The following TCF12 variants were observed in gnomAD, a reference collection of about 807,000 sequenced individuals.
TCF12 encodes the protein transcription factor 12, also known as DNA-binding protein HTF4.
In TCF12, 45 loss-of-function variants were observed where a neutral mutation model predicts 86.0. The ratio of observed to expected loss-of-function variants is 0.52; its 90% CI spans 0.41 to 0.67. The LOEUF (loss-of-function observed/expected upper bound fraction) is 0.67, where lower values mean the gene tolerates loss of function less well. Ranked by LOEUF, TCF12 falls within the 30% of genes least tolerant of loss-of-function variation. TCF12 has a pLI of 0.00. For synonymous variants in TCF12, 330 were observed against 299.6 expected (o/e 1.10, Z -1.05); for missense variants, 881 against 859.9 (o/e 1.02, Z -0.31).
intron 5 of TCF12, among the ~76,000 whole-genome samples, chr15:57,163,690 G>A (rs1378674116): frequency 6.6e-6 from 1 of 152,164 alleles, no homozygotes; most frequent in African/African-American, 2.4e-5. Flanking sequence ...ACGACAGAGC[G>A]AGACCTTGTC....
chr15:57,042,528 C>T lies in TCF12; in HGVS notation c.149-21222C>T, dbSNP rs143322109. ...TCCGGGGCTGAATTGATCATCCTGC[C>T]TCTGCCTCCCGAGGAGCCAGTACTA... On this transcript the variant is annotated intron_variant, in intron 3 of 20. Coordinates refer to ENST00000333725, the MANE Select transcript of TCF12 (RefSeq NM_207037.2). Among the ~76,000 whole-genome samples the T allele has an allele frequency of 7.0e-4, 106 of 152,262 alleles. 1 individual carries two copies. The East Asian group carries it at 8.1e-3, about 12-fold the overall frequency.
intron 8 of TCF12, among the ~76,000 whole-genome samples, chr15:57,225,660 T>C (rs1269022834): frequency 6.6e-6 from 1 of 152,120 alleles, no homozygotes; most frequent in Non-Finnish European, 1.5e-5. Flanking sequence ...TTTTAGGAAA[T>C]GTCTTTAATT....
intron 3 of TCF12, among the ~76,000 whole-genome samples, chr15:56,937,439 C>T (rs2060518311): frequency 6.6e-6 from 1 of 151,804 alleles, no homozygotes; most frequent in African/African-American, 2.4e-5. Flanking sequence ...TCACTGCAAC[C>T]TTCTAGGAGC....
At chr15:57,073,034 T>G (rs1012456444) in intron 4 of TCF12, among the ~76,000 whole-genome samples, 1 of 152,170 alleles carries the variant, frequency 6.6e-6, no homozygotes. Context: ...TGCCCATGTT[T>G]CCATTTTAAG....
chr15:57,162,991 T>C (rs1467602694), intron 5 of TCF12, among the ~76,000 whole-genome samples: 1 of 151,932 alleles, frequency 6.6e-6, no homozygotes, highest in Admixed American at 6.6e-5. Flanking sequence ...CTGGCCAACA[T>C]AGTGAAACCC....
intron 3 of TCF12, among the ~76,000 whole-genome samples, chr15:57,022,882 G>A (rs1453365769): frequency 6.6e-6 from 1 of 152,146 alleles, no homozygotes; most frequent in Non-Finnish European, 1.5e-5. Flanking sequence ...GTGACTAGTA[G>A]AAGGAAATAG....
intron 1 of TCF12, chr15:56,919,675 C>T: frequency 2.6e-6 from 1 of 388,832 alleles, no homozygotes; most frequent in African/African-American, 2.1e-5. Context: ...CCGCGTCGAT[C>T]TCGGGCCGCG....
intron 19 of TCF12, among the ~76,000 whole-genome samples, chr15:57,279,998 A>G (rs1875616745): frequency 6.9e-6 from 1 of 145,602 alleles, no homozygotes; most frequent in Admixed American, 7.1e-5. Flanking sequence ...AGTTCAAGTG[A>G]TTCTCCTGTC....
intron 18 of TCF12, 106 bp from the exon 19 acceptor site, chr15:57,272,924 T>A (rs959051676): frequency 9.5e-7 from 1 of 1,055,160 alleles, no homozygotes; most frequent in African/African-American, 1.6e-5. Context: ...TTTACAAGAT[T>A]TATAGGTGGT....
chr15:57,214,623 G>A (rs1190891796), intron 8 of TCF12, among the ~76,000 whole-genome samples: 6 of 152,126 alleles, frequency 3.9e-5, no homozygotes, highest in Admixed American at 6.6e-5. Context: ...TGAGACAGAC[G>A]CTATTTTATG....
intron 3 of TCF12, among the ~76,000 whole-genome samples, chr15:56,977,650 A>C (rs2062680719): frequency 6.6e-6 from 1 of 152,026 alleles, no homozygotes; most frequent in South Asian, 2.1e-4. Flanking sequence ...TGGCTGTTGA[A>C]ATTGTTTTGA....
At chr15:57,252,539 T>C (rs1055611320) in intron 15 of TCF12, 47 bp downstream of exon 15, 7 of 1,452,928 alleles carry the variant, frequency 4.8e-6, no homozygotes, top group Admixed American at 1.7e-5. Context: ...CAATTAATTA[T>C]ACTTCCCACT....
intron 3 of TCF12, among the ~76,000 whole-genome samples, chr15:56,929,247 A>G (rs1463818711): frequency 1.3e-5 from 2 of 152,004 alleles, no homozygotes; most frequent in Non-Finnish European, 2.9e-5. Flanking sequence ...CTTTAGCTGT[A>G]TTTTTTCATG....
At chr15:57,192,493 G>A (rs952494054) in intron 7 of TCF12, among the ~76,000 whole-genome samples, 200 bp downstream of exon 7, 2 of 151,772 alleles carry the variant, frequency 1.3e-5, no homozygotes, top group Admixed American at 6.6e-5. Context: ...TGCTCAAGCC[G>A]TCCTCCCACC....
At chr15:57,197,493 C>T (rs1346882832) in intron 7 of TCF12, among the ~76,000 whole-genome samples, 1 of 152,168 alleles carries the variant, frequency 6.6e-6, no homozygotes, top group African/African-American at 2.4e-5. Context: ...TCCCTTCCCT[C>T]ATACTAGTTT....
At chr15:57,265,129 A>G (rs1294482342) in intron 18 of TCF12, among the ~76,000 whole-genome samples, 2 of 139,448 alleles carry the variant, frequency 1.4e-5, no homozygotes, top group African/African-American at 5.3e-5. Context: ...ATAGTATAGT[A>G]TAGTATAAAT....
chr15:57,068,803 CTA>C (rs2069123294), intron 4 of TCF12, among the ~76,000 whole-genome samples: 1 of 152,018 alleles, frequency 6.6e-6, no homozygotes, highest in Admixed American at 6.6e-5. Flanking sequence ...AAAGTTACTT[CTA>C]TGTGTCTTAG....
intron 5 of TCF12, among the ~76,000 whole-genome samples, chr15:57,146,549 A>C (rs1271931649): frequency 6.6e-6 from 1 of 152,212 alleles, no homozygotes; most frequent in Non-Finnish European, 1.5e-5. Flanking sequence ...TAAGGAAATG[A>C]ATACCGGATT....
At chr15:56,919,308 G>A (rs1355870723) in intron 1 of TCF12, 1 of 152,296 alleles carries the variant, frequency 6.6e-6, no homozygotes, top group Non-Finnish European at 1.5e-5. Flanking sequence ...CTAGTTGTCG[G>A]GGTTTCTGTT....
Sources: allele counts gnomAD v4.1 joint callset (sites outside exome capture counted in the v4.1 genomes callset), GRCh38; gene constraint gnomAD v4.1.1; transcripts MANE v1.5; gene names NCBI Gene and HGNC (gene_info 2026-07-23, HGNC 2026-07-21).